KDM5B: variants seen among roughly 807,000 people sequenced by gnomAD.
KDM5B encodes the protein lysine demethylase 5B, also known as lysine-specific demethylase 5B.
A neutral mutation model predicts 193.4 loss-of-function variants in KDM5B; 144 were observed. That is an observed-to-expected ratio of 0.74 (90% CI 0.65 to 0.86). The LOEUF is 0.86. KDM5B is among the 40% of genes least tolerant of loss of function. The pLI is 0.00. For synonymous variants in KDM5B, 668 were observed against 682.6 expected (o/e 0.98, Z 0.33); for missense variants, 1,833 against 1,886.9 (o/e 0.97, Z 0.53).
At chr1:202,762,115 AAGTTTT>A (rs1656272636) in intron 7 of KDM5B, among the ~76,000 whole-genome samples, 1 of 152,096 alleles carries the variant, frequency 6.6e-6, no homozygotes, top group African/African-American at 2.4e-5. Context: ...CTTTTAATAA[AAGTTTT>A]CCACAGAATA....
chr1:202,782,911 G>A (rs1021298289), intron 1 of KDM5B, among the ~76,000 whole-genome samples: 3 of 151,984 alleles, frequency 2.0e-5, no homozygotes, highest in Non-Finnish European at 4.4e-5. Flanking sequence ...CACACTTTGC[G>A]AGGCCAAAAG....
chr1:202,805,470 C>T (rs1658252738), intron 1 of KDM5B, among the ~76,000 whole-genome samples: 1 of 152,106 alleles, frequency 6.6e-6, no homozygotes, highest in Admixed American at 6.5e-5. Flanking sequence ...GGTAAAGATA[C>T]AAAGGTAAGA....
chr1:202,783,275 A>G (rs930106230), intron 1 of KDM5B, among the ~76,000 whole-genome samples: 5 of 150,942 alleles, frequency 3.3e-5, no homozygotes, highest in African/African-American at 9.8e-5. Flanking sequence ...CTAACAAGAA[A>G]AGAAGAGAAG....
chr1:202,769,098 G>A (rs1431751515), intron 4 of KDM5B, among the ~76,000 whole-genome samples: 5 of 145,512 alleles, frequency 3.4e-5, no homozygotes, highest in East Asian at 4.1e-4. Context: ...GTGCAGTGGC[G>A]CCATCTTGGC....
chr1:202,750,893 T>G, intron 12 of KDM5B, 115 bp from the exon 13 acceptor site: 1 of 1,107,274 alleles, frequency 9.0e-7, no homozygotes, highest in Non-Finnish European at 1.3e-6. Context: ...TTTCTGAAAT[T>G]GAGCCAGAAA....
chr1:202,736,125 T>C, intron 21 of KDM5B, 88 bp downstream of exon 21: 3 of 947,898 alleles, frequency 3.2e-6, no homozygotes, highest in Non-Finnish European at 4.6e-6. Context: ...TAGATTAATC[T>C]GTGATGTCAT....
chr1:202,755,446 G>GA lies in KDM5B; in HGVS notation c.1362dup (p.Leu455SerfsTer2). ...TTGTTCAAATTCCAGCCACTATCAA[G>GA]ATACTCCTAAAAATAAGAAGACAAA... On this transcript the variant is annotated frameshift_variant, in exon 11 of 27. Coordinates refer to ENST00000367265, the MANE Select transcript of KDM5B (RefSeq NM_006618.5). LOFTEE classifies it high-confidence loss of function. The GA allele has an allele frequency of 6.2e-7, 1 of 1,611,032 alleles. No homozygotes were observed. Among genetic ancestry groups the GA allele is most frequent in the Non-Finnish European group, 8.5e-7 (1 of 1,177,828 alleles).
intron 8 of KDM5B, 141 bp from the exon 9 acceptor site, chr1:202,758,651 C>A (rs909240241): frequency 1.8e-6 from 1 of 551,144 alleles, no homozygotes; most frequent in Non-Finnish European, 2.8e-6. Context: ...AAAAATAAAC[C>A]TGCCTGAAAA....
chr1:202,796,331 G>A, intron 1 of KDM5B: 1 of 369,674 alleles, frequency 2.7e-6, no homozygotes, highest in Non-Finnish European at 5.4e-6. Context: ...AGCTTCACTG[G>A]CACCTTGGAT....
rs765282597 is a variant in KDM5B at position 202,729,012 on chromosome 1, AG to A, written c.*23del. The A allele has an allele frequency of 6.8e-6, 11 of 1,613,744 alleles. No individual in the cohort carries two copies. The highest frequency in any genetic ancestry group is 3.3e-4 in the Middle Eastern group (2 of 6,058). ...GTTGGAGTCCTGAATTACATTAAGT[AG>A]GGGGGTATCTGTTTTTGTGTTTTTA... On this transcript the variant is annotated 3_prime_UTR_variant, in exon 27 of 27. Coordinates refer to ENST00000367265, the MANE Select transcript of KDM5B (RefSeq NM_006618.5).
chr1:202,729,559 A>T, intron 26 of KDM5B, 148 bp downstream of exon 26: 1 of 654,162 alleles, frequency 1.5e-6, no homozygotes, highest in Non-Finnish European at 2.6e-6. Flanking sequence ...GTAAGAGCAC[A>T]GATATCAGTG....
chr1:202,731,457 T>C (rs1200106713), intron 24 of KDM5B, among the ~76,000 whole-genome samples: 4 of 152,192 alleles, frequency 2.6e-5, no homozygotes, highest in Non-Finnish European at 4.4e-5. Context: ...TACACTGAGA[T>C]GCTATGACTA....
chr1:202,799,530 G>A (rs926802494), intron 1 of KDM5B, among the ~76,000 whole-genome samples: 4 of 152,014 alleles, frequency 2.6e-5, no homozygotes, highest in Admixed American at 2.0e-4. Flanking sequence ...GCAGGTGCCT[G>A]TAATCCCAGC....
intron 1 of KDM5B, among the ~76,000 whole-genome samples, chr1:202,789,749 G>A (rs1657568064): frequency 1.3e-5 from 2 of 148,280 alleles, no homozygotes; most frequent in Admixed American, 6.7e-5. Context: ...GGAGGCTTAA[G>A]ACAGACAGAG....
chr1:202,799,961 T>C (rs923071480), intron 1 of KDM5B, among the ~76,000 whole-genome samples: 1 of 152,250 alleles, frequency 6.6e-6, no homozygotes, highest in African/African-American at 2.4e-5. Context: ...AATTTTTAAA[T>C]TGAACCTAAC....
chr1:202,767,384 C>T lies in KDM5B; in HGVS notation c.577-324G>A, dbSNP rs1449125967. On this transcript the variant is annotated intron_variant, in intron 4 of 26. Coordinates refer to ENST00000367265, the MANE Select transcript of KDM5B (RefSeq NM_006618.5). ...TCCTCACAGTGGCTCCTACGGACCA[C>T]AGAGGCTGTGAACCTCCGGATGCTC... 4.7e-6 allele frequency: 7 copies of T among 1,504,402 alleles called. No individual in the cohort carries two copies. In the East Asian group the frequency reaches 1.4e-4, roughly 29 times the overall value. The allele number at this position is 1,504,402 out of a possible 1,614,324, so 93.2% of individuals were successfully genotyped here. A position where few individuals can be genotyped will look rare whatever the true frequency, so the allele number is the denominator to read the frequency against.
At chr1:202,791,996 T>C (rs1328355500) in intron 1 of KDM5B, among the ~76,000 whole-genome samples, 1 of 152,040 alleles carries the variant, frequency 6.6e-6, no homozygotes, top group Admixed American at 6.6e-5. Flanking sequence ...ATGAGCCACC[T>C]AGGACTTTAA....
chr1:202,736,025 C>T (rs545342722), intron 21 of KDM5B, among the ~76,000 whole-genome samples, 188 bp downstream of exon 21: 1 of 152,276 alleles, frequency 6.6e-6, no homozygotes, highest in African/African-American at 2.4e-5. Context: ...TACTGTTATG[C>T]TAAATCAACC....
At chr1:202,804,899 A>G (rs1658230900) in intron 1 of KDM5B, among the ~76,000 whole-genome samples, 1 of 151,704 alleles carries the variant, frequency 6.6e-6, no homozygotes. Context: ...TGTGGAATCT[A>G]TCTATGGCCA....
Sources: allele counts gnomAD v4.1 joint callset (sites outside exome capture counted in the v4.1 genomes callset), GRCh38; gene constraint gnomAD v4.1.1; transcripts MANE v1.5; gene names NCBI Gene and HGNC (gene_info 2026-07-23, HGNC 2026-07-21).